The following RAI14 variants were observed in gnomAD, a reference collection of about 807,000 sequenced individuals.
RAI14 encodes ankycorbin.
Under a neutral mutation model 115.4 loss-of-function variants are expected in RAI14, and 45 were observed. The ratio of observed to expected loss-of-function variants is 0.39; its 90% CI spans 0.31 to 0.50. RAI14 has a LOEUF of 0.50. Among genes scored for constraint, RAI14 ranks in the 20% least tolerant of loss-of-function variants. RAI14 has a pLI of 0.85. For missense variants in RAI14, 939 were observed against 1,131.2 expected (o/e 0.83, Z 2.44); for synonymous variants, 371 against 415.4 (o/e 0.89, Z 1.30).
At chr5:34,813,729 T>G (rs1037165027) in intron 11 of RAI14, 69 bp downstream of exon 11, 13 of 1,340,662 alleles carry the variant, frequency 9.7e-6, no homozygotes, top group Admixed American at 2.0e-5. Flanking sequence ...TCATTTTGTT[T>G]AGGCCAAAAA....
chr5:34,765,767 A>G (rs559468077), intron 3 of RAI14, among the ~76,000 whole-genome samples: 34 of 152,314 alleles, frequency 2.2e-4, no homozygotes, highest in African/African-American at 7.7e-4. Context: ...TCCCAAGACC[A>G]TGGGGAAAAT....
At chr5:34,796,922 C>T (rs1753609057) in intron 4 of RAI14, among the ~76,000 whole-genome samples, 1 of 152,290 alleles carries the variant, frequency 6.6e-6, no homozygotes. Flanking sequence ...AGTTGCCAGT[C>T]AACTGGTATT....
intron 13 of RAI14, among the ~76,000 whole-genome samples, chr5:34,819,883 A>G (rs1756647549): frequency 6.6e-6 from 1 of 152,190 alleles, no homozygotes; most frequent in South Asian, 2.1e-4. Context: ...GATTATAGGC[A>G]TGAGCCACCA....
chr5:34,704,380 G>A (rs549616683), intron 2 of RAI14, among the ~76,000 whole-genome samples: 1 of 152,310 alleles, frequency 6.6e-6, no homozygotes, highest in African/African-American at 2.4e-5. Flanking sequence ...CAGATAGTCA[G>A]TATCCTTAAT....
chr5:34,743,344 A>T (rs547054193), intron 2 of RAI14, among the ~76,000 whole-genome samples: 21 of 152,212 alleles, frequency 1.4e-4, no homozygotes, highest in African/African-American at 4.6e-4. Context: ...TTGTAGGCAC[A>T]CCACTCTAAT....
rs1757122631 is a variant in RAI14, at chr5:34,823,447, A to G, written c.1605A>G (p.Leu535=). The G allele has an allele frequency of 1.9e-6, 3 of 1,614,224 alleles. No homozygotes were observed. Among genetic ancestry groups the G allele is most frequent in the South Asian group, 1.1e-5 (1 of 91,080 alleles). ...TCACGGAAGAGGAAATAAATGTGCT[A>G]AAGCAGGATCTGCAGAATGCATTAG... ...LRVTEEEINV[L]KQDLQNALEE... Residue 535 remains leucine (L), a synonymous_variant, in exon 15 of 18, where the codon CTA becomes CTG. Transcript: ENST00000265109. The surrounding 1 kb of genome is among the most constrained non-coding windows in gnomAD (Gnocchi z 4.5).
In RAI14 at chr5:34,677,353, G is replaced by A. The variant is rs1379138612; in HGVS notation, c.-48-9519G>A. Among the ~76,000 whole-genome samples the A allele has an allele frequency of 5.9e-5, 9 of 151,938 alleles. 1 individual carries two copies. Among genetic ancestry groups the A allele is most frequent in the Non-Finnish European group, 1.2e-4 (8 of 67,982 alleles). ...TCATTTTTGTATTTTTAGAGGAGAC[G>A]AGGTTTTGCCATGTTGGCCAGGCTG... On this transcript the variant is annotated intron_variant, in intron 1 of 17. Coordinates refer to ENST00000265109, the MANE Select transcript of RAI14 (RefSeq NM_015577.3).
At chr5:34,775,216 GA>G (rs1750688540) in intron 3 of RAI14, among the ~76,000 whole-genome samples, 2 of 152,238 alleles carry the variant, frequency 1.3e-5, no homozygotes, top group South Asian at 4.1e-4. Flanking sequence ...AAGATTTCTT[GA>G]GTAATACCTG....
chr5:34,712,588 G>A (rs759143502), intron 2 of RAI14, among the ~76,000 whole-genome samples: 2 of 152,202 alleles, frequency 1.3e-5, no homozygotes, highest in African/African-American at 2.4e-5. Flanking sequence ...GTAATGATGT[G>A]TTGAAAGTGC....
At chr5:34,751,861 T>G (rs778537256) in intron 2 of RAI14, among the ~76,000 whole-genome samples, 8 of 152,332 alleles carry the variant, frequency 5.3e-5, no homozygotes, top group Admixed American at 2.6e-4. Context: ...GCCTGCTTCC[T>G]TAATGCCTTG....
intron 2 of RAI14, among the ~76,000 whole-genome samples, chr5:34,730,820 T>C (rs1254111157): frequency 6.6e-6 from 1 of 152,040 alleles, no homozygotes; most frequent in Admixed American, 6.5e-5. Context: ...TAATCTCTAC[T>C]AAAAATACAA....
chr5:34,686,995 C>T lies in RAI14; in HGVS notation c.36+40C>T, dbSNP rs1490355907. On this transcript the variant is annotated intron_variant, in intron 2 of 17. Coordinates refer to ENST00000265109, the MANE Select transcript of RAI14 (RefSeq NM_015577.3). The stretch of plus-strand genomic sequence containing the variant: ...ACTCACAGTCTGGCTGTTCCTTCTT[C>T]TCCATGGAGCTGCAGAAACGCTCCT... The T allele has an allele frequency of 1.9e-6, 3 of 1,610,044 alleles. No homozygotes were observed. The Admixed American group carries it at 5.0e-5, about 27-fold the overall frequency.
chr5:34,769,555 C>T (rs1419538612), intron 3 of RAI14, among the ~76,000 whole-genome samples: 1 of 152,022 alleles, frequency 6.6e-6, no homozygotes, highest in Non-Finnish European at 1.5e-5. Context: ...CAAATGAGTG[C>T]CATAGAACAC....
In RAI14 at chr5:34,813,582, A is replaced by C; in HGVS notation, c.774A>C (p.Gln258His). Residue 258 changes from glutamine to histidine, a missense_variant, in exon 11 of 18, where the codon CAA becomes CAC. Gln to His is a conservative substitution (Grantham distance 24). Transcript: ENST00000265109. The stretch of plus-strand genomic sequence containing the variant: ...ACTGTGATAACTTTCAGCATGACCA[A>C]GTCTCTAAAATAAGCTCAGAAAGAA... ...KTPTKPKQHD[Q>H]VSKISSERSG... 6.2e-7 allele frequency: 1 copy of C among 1,612,494 alleles called. No homozygotes were observed. The highest frequency in any genetic ancestry group is 1.7e-4 in the Middle Eastern group (1 of 6,056).
chr5:34,709,383 G>A (rs910285208), intron 2 of RAI14, among the ~76,000 whole-genome samples: 1 of 152,160 alleles, frequency 6.6e-6, no homozygotes, highest in African/African-American at 2.4e-5. Context: ...GGACGACGGA[G>A]GTTGCAGTGA....
At chr5:34,662,530 C>A (rs1301226832) in intron 1 of RAI14, among the ~76,000 whole-genome samples, 1 of 151,970 alleles carries the variant, frequency 6.6e-6, no homozygotes, top group Non-Finnish European at 1.5e-5. Context: ...GTATACGATA[C>A]TGATGATATC....
rs147625485 is a variant in RAI14, at chr5:34,737,849, A to G, written c.37-19619A>G. On this transcript the variant is annotated intron_variant, in intron 2 of 17. Coordinates refer to ENST00000265109, the MANE Select transcript of RAI14 (RefSeq NM_015577.3). ...GCTTCCAACACATTTTAAATTTGGCATATTTCTGATTTCAGATTGTTTTCT... is the reference window on the plus strand; with the variant it reads ...GCTTCCAACACATTTTAAATTTGGCGTATTTCTGATTTCAGATTGTTTTCT... Among the ~76,000 whole-genome samples, 153 of 152,326 alleles carry G rather than the reference A, an allele frequency of 1.0e-3. 1 individual carries two copies. The highest frequency in any genetic ancestry group is 3.5e-3 in the African/African-American group (147 of 41,578).
chr5:34,791,841 C>A lies in RAI14; in HGVS notation c.168-4098C>A, dbSNP rs1221024717. On this transcript the variant is annotated intron_variant, in intron 3 of 17. Coordinates refer to ENST00000265109, the MANE Select transcript of RAI14 (RefSeq NM_015577.3). This position sits in a 1 kb window ranked among gnomAD's most constrained non-coding sequence, Gnocchi z 5.4. ...GAGAGCCGGCCTGCAAAGCTGTGGC[C>A]TTCACAGAGGAAGACAGCCACTGCC... 6.6e-6 allele frequency among the ~76,000 whole-genome samples: 1 copy of A among 152,190 alleles called. No individual in the cohort carries two copies. The highest frequency in any genetic ancestry group is 1.5e-5 in the Non-Finnish European group (1 of 68,026).
chr5:34,690,068 A>T (rs62355145), intron 2 of RAI14, among the ~76,000 whole-genome samples: 24,351 of 152,156 alleles, frequency 0.16, 2,201 homozygotes, highest in East Asian at 0.3. Flanking sequence ...GAACAGGGAA[A>T]CTGAGAGCTG....
Sources: gnomAD v4.1 joint callset for allele counts (sites outside exome capture counted in the v4.1 genomes callset) on GRCh38, gnomAD v4.1.1 for gene constraint, Gnocchi (gnomAD v3.1) non-coding constraint, MANE v1.5 for transcripts, NCBI Gene and HGNC (gene_info 2026-07-23, HGNC 2026-07-21) for gene names.